The following SESN1 variants were observed in gnomAD, a reference collection of about 807,000 sequenced individuals.
SESN1 encodes the protein sestrin 1.
SESN1 carries 30 observed loss-of-function variants against 59.3 expected under a neutral mutation model. That is an observed-to-expected ratio of 0.51 (90% CI 0.38 to 0.69). The LOEUF (loss-of-function observed/expected upper bound fraction) is 0.69, where lower values mean the gene tolerates loss of function less well. Among genes scored for constraint, SESN1 ranks in the 30% least tolerant of loss-of-function variants. The pLI, the probability that SESN1 is intolerant of heterozygous loss-of-function variation, is 0.00. For synonymous variants in SESN1, 197 were observed against 219.9 expected (o/e 0.90, Z 0.92); for missense variants, 566 against 673.0 (o/e 0.84, Z 1.76).
At chr6:108,992,947 A>AAT in intron 6 of SESN1, 48 bp from the exon 7 acceptor site, 1 of 1,256,708 alleles carries the variant, frequency 8.0e-7, no homozygotes, top group South Asian at 1.2e-5. Context: ...GATGCTAGTT[A>AAT]AAATTGATTT....
chr6:109,091,914 C>A (rs923462121), intron 1 of SESN1, among the ~76,000 whole-genome samples: 1 of 152,188 alleles, frequency 6.6e-6, no homozygotes, highest in Non-Finnish European at 1.5e-5. Context: ...ATTTGTTCAT[C>A]CACTGGATAT....
chr6:109,040,655 ATCT>A (rs1780324182), intron 1 of SESN1, among the ~76,000 whole-genome samples: 2 of 147,010 alleles, frequency 1.4e-5, no homozygotes, highest in African/African-American at 5.0e-5. Flanking sequence ...AACTAGCATA[ATCT>A]TTTTTTTTTT....
intron 1 of SESN1, among the ~76,000 whole-genome samples, chr6:109,063,428 A>G (rs1025821247): frequency 6.6e-6 from 1 of 152,194 alleles, no homozygotes; most frequent in Admixed American, 6.5e-5. Flanking sequence ...AGGCAACTCA[A>G]TTACAGTGAT....
intron 1 of SESN1, among the ~76,000 whole-genome samples, chr6:109,025,149 C>A (rs1193129560): frequency 6.6e-6 from 1 of 151,942 alleles, no homozygotes; most frequent in Non-Finnish European, 1.5e-5. Flanking sequence ...ACGCTCAAAG[C>A]ATGAACAAGG....
chr6:109,075,011 C>T (rs753323930), intron 1 of SESN1, among the ~76,000 whole-genome samples: 63 of 152,182 alleles, frequency 4.1e-4, no homozygotes, highest in Non-Finnish European at 9.0e-4. Flanking sequence ...TGGTGAGCCC[C>T]ACCTAGTGAG....
chr6:109,005,144 T>C (rs1189835317), intron 1 of SESN1, among the ~76,000 whole-genome samples: 1 of 152,210 alleles, frequency 6.6e-6, no homozygotes, highest in Non-Finnish European at 1.5e-5. Flanking sequence ...ACATTGTTTC[T>C]AATAGTACGA....
At chr6:109,061,092 A>ATATTATT (rs1056874602) in intron 1 of SESN1, among the ~76,000 whole-genome samples, 10 of 152,072 alleles carry the variant, frequency 6.6e-5, no homozygotes, top group African/African-American at 2.2e-4. Flanking sequence ...AATATCTCAC[A>ATATTATT]CATATTATTC....
chr6:109,008,419 A>C (rs566794689), intron 1 of SESN1, among the ~76,000 whole-genome samples: 1 of 152,088 alleles, frequency 6.6e-6, no homozygotes, highest in Non-Finnish European at 1.5e-5. Flanking sequence ...GGAACATCTA[A>C]TATGTCCATA....
intron 1 of SESN1, among the ~76,000 whole-genome samples, chr6:109,006,801 G>C (rs1779742020): frequency 6.6e-6 from 1 of 152,104 alleles, no homozygotes; most frequent in South Asian, 2.1e-4. Flanking sequence ...GATCAAAAAA[G>C]GCACTGCGGG....
intron 9 of SESN1, among the ~76,000 whole-genome samples, chr6:108,988,049 C>G (rs1318493734): frequency 6.6e-6 from 1 of 152,140 alleles, no homozygotes; most frequent in African/African-American, 2.4e-5. Flanking sequence ...CTGCCTTGGC[C>G]TCCCCAAGTG....
chr6:109,032,099 A>C (rs1780188176), intron 1 of SESN1, among the ~76,000 whole-genome samples: 1 of 152,008 alleles, frequency 6.6e-6, no homozygotes. Flanking sequence ...GAGAAACCCC[A>C]CCTCTACTAA....
chr6:109,060,927 T>TC (rs1438666800), intron 1 of SESN1, among the ~76,000 whole-genome samples: 1 of 152,168 alleles, frequency 6.6e-6, no homozygotes, highest in Admixed American at 6.5e-5. Context: ...CTTTCTATTC[T>TC]CCCCTCTGAA....
chr6:109,042,899 A>G (rs1349919552), intron 1 of SESN1, among the ~76,000 whole-genome samples: 1 of 152,084 alleles, frequency 6.6e-6, no homozygotes, highest in Non-Finnish European at 1.5e-5. Flanking sequence ...AAGACAATAC[A>G]AAAAAAGAAA....
In SESN1 at chr6:109,087,852, A is replaced by T. The variant is rs1781239381; in HGVS notation, c.279+5943T>A. On this transcript the variant is annotated intron_variant, in intron 1 of 9. Coordinates refer to ENST00000436639, the MANE Select transcript of SESN1 (RefSeq NM_014454.3). ...TTATAAATAGACCAAGTGATATATT[A>T]TCTAGTTAGATACACATGCAGTTTT... is the stretch of plus-strand genomic sequence containing the variant. 2.0e-5 allele frequency among the ~76,000 whole-genome samples: 3 copies of T among 152,104 alleles called. No homozygotes were observed. The South Asian group carries it at 6.2e-4, about 32-fold the overall frequency.
chr6:109,009,243 G>A, intron 1 of SESN1: 1 of 1,007,184 alleles, frequency 9.9e-7, no homozygotes, highest in Non-Finnish European at 1.3e-6. Context: ...GTTTTCGGAT[G>A]CTGACCGGGA....
At position 109,077,890 on chromosome 6, in the gene SESN1, T is replaced by C. The variant is rs564239893; in HGVS notation, c.279+15905A>G. Among the ~76,000 whole-genome samples, 5 of 152,280 alleles carry C rather than the reference T, an allele frequency of 3.3e-5. No homozygotes were observed. In the South Asian group the frequency reaches 8.3e-4, roughly 25 times the overall value. ...ACAATGCCATATGGTAAGCACTCAA[T>C]ACATTTAAGTGATTTTAATTTTTTT... On this transcript the variant is annotated intron_variant, in intron 1 of 9. Coordinates refer to ENST00000436639, the MANE Select transcript of SESN1 (RefSeq NM_014454.3).
At chr6:109,067,235 C>T (rs925268484) in intron 1 of SESN1, among the ~76,000 whole-genome samples, 1 of 152,144 alleles carries the variant, frequency 6.6e-6, no homozygotes, top group African/African-American at 2.4e-5. Context: ...TCCAGTCTAT[C>T]TGGGCACAAA....
chr6:108,989,458 TAG>T (rs1779301677), intron 8 of SESN1, among the ~76,000 whole-genome samples: 1 of 146,024 alleles, frequency 6.8e-6, no homozygotes, highest in Non-Finnish European at 1.6e-5. Context: ...TCTCTATATC[TAG>T]AGATATAGAA....
At chr6:109,015,322 T>C (rs1228892949) in intron 1 of SESN1, among the ~76,000 whole-genome samples, 1 of 152,124 alleles carries the variant, frequency 6.6e-6, no homozygotes, top group South Asian at 2.1e-4. Context: ...CTGTGACTGC[T>C]CTCCTGCACT....
Sources: allele counts gnomAD v4.1 joint callset (sites outside exome capture counted in the v4.1 genomes callset), GRCh38; gene constraint gnomAD v4.1.1; transcripts MANE v1.5; gene names NCBI Gene and HGNC (gene_info 2026-07-23, HGNC 2026-07-21).